TOMM20: variants seen among roughly 807,000 people sequenced by gnomAD.
The protein encoded by TOMM20 is translocase of outer mitochondrial membrane 20.
A neutral mutation model predicts 22.1 loss-of-function variants in TOMM20; 10 were observed. The ratio of observed to expected loss-of-function variants is 0.45; its 90% CI spans 0.28 to 0.77. The LOEUF (loss-of-function observed/expected upper bound fraction) is 0.77. Ranked by LOEUF, TOMM20 falls within the 30% of genes least tolerant of loss-of-function variation. TOMM20 has a pLI of 0.13. For missense variants in TOMM20, 121 were observed against 172.2 expected (o/e 0.70, Z 1.66); for synonymous variants, 55 against 61.4 (o/e 0.90, Z 0.49).
At chr1:235,120,019 TAGA>T in intron 2 of TOMM20, 120 bp from the exon 3 acceptor site, 1 of 547,692 alleles carries the variant, frequency 1.8e-6, no homozygotes, top group Non-Finnish European at 3.1e-6. Flanking sequence ...AAAAATCTGA[TAGA>T]AGAACTTTAC....
chr1:235,112,253 T>A, intron 4 of TOMM20, 145 bp from the exon 5 acceptor site: 2 of 671,464 alleles, frequency 3.0e-6, no homozygotes, highest in Non-Finnish European at 2.5e-6. Flanking sequence ...ATGTAACACT[T>A]TACACACAGT....
chr1:235,127,635 A>ACTAATTTAGT (rs1452418184), intron 1 of TOMM20, among the ~76,000 whole-genome samples: 6 of 152,226 alleles, frequency 3.9e-5, no homozygotes, highest in African/African-American at 1.4e-4. Context: ...TTACGTATCA[A>ACTAATTTAGT]TTTTAATTCC....
In TOMM20 at chr1:235,128,795, G is replaced by C. The variant is rs934026914; in HGVS notation, c.-80C>G. The C allele has an allele frequency of 6.9e-6, 11 of 1,593,128 alleles. No homozygotes were observed. In the African/African-American group the frequency reaches 1.5e-4, roughly 21 times the overall value. Reference sequence around the variant, plus strand: ...GGGCCACGAACCCTCAGAGCGGTCGGCGCAGCTCACACCCGACGGCCGCGG... The same window carrying C: ...GGGCCACGAACCCTCAGAGCGGTCGCCGCAGCTCACACCCGACGGCCGCGG... On this transcript the variant is annotated 5_prime_UTR_variant, in exon 1 of 5. Transcript: ENST00000366607.
At chr1:235,116,949 C>G (rs557915457) in intron 3 of TOMM20, among the ~76,000 whole-genome samples, 1 of 150,074 alleles carries the variant, frequency 6.7e-6, no homozygotes. Flanking sequence ...TCCTGGCTAA[C>G]ATGGTGAAAC....
chr1:235,124,681 A>G (rs1363495353), intron 1 of TOMM20, among the ~76,000 whole-genome samples: 1 of 152,228 alleles, frequency 6.6e-6, no homozygotes, highest in East Asian at 1.9e-4. Context: ...AGTTTTTTTA[A>G]TAAGGTGGGG....
At chr1:235,114,578 C>T (rs1385634660) in intron 3 of TOMM20, among the ~76,000 whole-genome samples, 2 of 151,786 alleles carry the variant, frequency 1.3e-5, no homozygotes, top group African/African-American at 4.8e-5. Flanking sequence ...GCTGGGACTA[C>T]AGGCGCCCAC....
Position 235,109,411 on chromosome 1 carries a change from G to A in TOMM20, c.*2653C>T, listed in dbSNP as rs756338007. 2.0e-5 allele frequency: 3 copies of A among 152,110 alleles called. No individual in the cohort carries two copies. Among genetic ancestry groups the A allele is most frequent in the African/African-American group, 4.8e-5 (2 of 41,432 alleles). 9.4% of individuals were successfully genotyped at this position (152,110 alleles called of 1,614,324 possible). ...GCAATAATAAAACTGCATTTTTTAC[G>A]TTACAAAAAGATTTTGTATGTTATC... On this transcript the variant is annotated 3_prime_UTR_variant, in exon 5 of 5. Transcript: ENST00000366607.
intron 3 of TOMM20, among the ~76,000 whole-genome samples, chr1:235,116,979 CA>C (rs1202830867): frequency 6.7e-6 from 1 of 148,882 alleles, no homozygotes; most frequent in Non-Finnish European, 1.5e-5. Flanking sequence ...ACTAAAAATA[CA>C]AAAAACTAGC....
At chr1:235,115,627 A>G (rs1660815577) in intron 3 of TOMM20, among the ~76,000 whole-genome samples, 1 of 152,208 alleles carries the variant, frequency 6.6e-6, no homozygotes, top group Non-Finnish European at 1.5e-5. Context: ...ACTCTGTCTC[A>G]AAAAGAAATA....
intron 3 of TOMM20, among the ~76,000 whole-genome samples, 162 bp from the exon 4 acceptor site, chr1:235,114,072 A>C (rs1372874263): frequency 2.6e-5 from 4 of 152,238 alleles, no homozygotes; most frequent in African/African-American, 9.6e-5. Context: ...GAAGCTACTA[A>C]CAAGAATGAG....
At position 235,128,813 on chromosome 1, in the gene TOMM20, G is replaced by A. The variant is rs1312790565; in HGVS notation, c.-98C>T. On this transcript the variant is annotated 5_prime_UTR_variant, in exon 1 of 5. Coordinates refer to ENST00000366607, the MANE Select transcript of TOMM20 (RefSeq NM_014765.3). ...GCGGTCGGCGCAGCTCACACCCGACGGCCGCGGGCCAGGAACACAGAAAGG... is the reference window on the plus strand; with the variant it reads ...GCGGTCGGCGCAGCTCACACCCGACAGCCGCGGGCCAGGAACACAGAAAGG... 5.8e-6 allele frequency: 9 copies of A among 1,559,182 alleles called. No homozygotes were observed. In the East Asian group the frequency reaches 1.6e-4, roughly 27 times the overall value.
Position 235,110,588 on chromosome 1 carries a change from T to C in TOMM20, c.*1476A>G, listed in dbSNP as rs1405730819. 6.6e-6 allele frequency: 1 copy of C among 151,952 alleles called. No individual in the cohort carries two copies. Among genetic ancestry groups the C allele is most frequent in the Admixed American group, 6.6e-5 (1 of 15,258 alleles). 9.4% of individuals were successfully genotyped at this position (151,952 alleles called of 1,614,324 possible). ...AAATGTGAGTCGCCTAGTCTAACAG[T>C]AGAGGTAAGTTCAAAGATGAAATGT... On this transcript the variant is annotated 3_prime_UTR_variant, in exon 5 of 5. Transcript: ENST00000366607.
chr1:235,119,391 T>A (rs116236094), intron 3 of TOMM20: 2,055 of 153,226 alleles, frequency 0.013, 17 homozygotes, highest in Non-Finnish European at 0.022. Context: ...ACATTAGCCA[T>A]TCCTTCCTAT....
intron 3 of TOMM20, among the ~76,000 whole-genome samples, chr1:235,117,666 A>G (rs954348143): frequency 9.2e-5 from 14 of 152,234 alleles, no homozygotes; most frequent in South Asian, 6.2e-4. Flanking sequence ...TAAATCTGGT[A>G]TATGTTTTCT....
chr1:235,115,238 A>G (rs1318698204), intron 3 of TOMM20, among the ~76,000 whole-genome samples: 1 of 152,236 alleles, frequency 6.6e-6, no homozygotes, highest in Non-Finnish European at 1.5e-5. Flanking sequence ...AAACTATGCT[A>G]TTAAATATTT....
chr1:235,122,403 T>A (rs771947148), intron 1 of TOMM20, 31 bp from the exon 2 acceptor site: 4 of 1,566,768 alleles, frequency 2.6e-6, no homozygotes, highest in Non-Finnish European at 3.4e-6. Flanking sequence ...TATTTACATT[T>A]TGTCATTATA....
In TOMM20 at chr1:235,111,327, T is replaced by C. The variant is rs547081524; in HGVS notation, c.*737A>G. 6.6e-6 allele frequency: 1 copy of C among 152,354 alleles called. No homozygotes were observed. The highest frequency in any genetic ancestry group is 2.1e-4 in the South Asian group (1 of 4,822). 9.4% of individuals were successfully genotyped at this position (152,354 alleles called of 1,614,324 possible). On this transcript the variant is annotated 3_prime_UTR_variant, in exon 5 of 5. Transcript: ENST00000366607. ...ACTTCAGTGATCAGCAGACGCATTC[T>C]CTCACGTAACAAATGGAGGGAAAGT...
chr1:235,125,742 CT>C (rs397863373), intron 1 of TOMM20, among the ~76,000 whole-genome samples: 22,965 of 141,124 alleles, frequency 0.16, 1,761 homozygotes, highest in Middle Eastern at 0.23. Context: ...CGCAACTGCA[CT>C]TTTTTTTTTT....
intron 3 of TOMM20, among the ~76,000 whole-genome samples, chr1:235,119,605 T>A (rs1256077114): frequency 6.6e-6 from 1 of 152,172 alleles, no homozygotes; most frequent in Non-Finnish European, 1.5e-5. Context: ...TAAAATATAT[T>A]ATGGACAACA....
Sources: gnomAD v4.1 joint callset for allele counts (sites outside exome capture counted in the v4.1 genomes callset) on GRCh38, gnomAD v4.1.1 for gene constraint, MANE v1.5 for transcripts, NCBI Gene and HGNC (gene_info 2026-07-23, HGNC 2026-07-21) for gene names.